The following GORASP1 variants were observed in gnomAD, a reference collection of about 807,000 sequenced individuals.
GORASP1 encodes golgi reassembly stacking protein 1.
In GORASP1, 31 loss-of-function variants were observed where a neutral mutation model predicts 37.7. The observed-to-expected ratio is 0.82, with a 90% confidence interval of 0.62 to 1.11. GORASP1 has a LOEUF of 1.11. Ranked by LOEUF, GORASP1 falls within the 50% of genes least tolerant of loss-of-function variation. The probability of loss-of-function intolerance (pLI) is 0.00; values close to 1 mark genes in which losing one functional copy is unlikely to be tolerated. For synonymous variants in GORASP1, 204 were observed against 224.8 expected, an observed-to-expected ratio of 0.91 and a Z score of 0.83; for missense variants, 476 against 560.7, an observed-to-expected ratio of 0.85 and a Z score of 1.53.
In GORASP1 at chr3:39,097,343, AC is replaced by A. The variant is rs779805874; in HGVS notation, c.*892del. 5 of 152,150 alleles carry A rather than the reference AC, an allele frequency of 3.3e-5. No individual in the cohort carries two copies. Among genetic ancestry groups the A allele is most frequent in the Non-Finnish European group, 7.3e-5 (5 of 68,056 alleles). 9.4% of individuals were successfully genotyped at this position (152,150 alleles called of 1,614,324 possible). On this transcript the variant is annotated 3_prime_UTR_variant, in exon 9 of 9. Coordinates refer to ENST00000319283, the MANE Select transcript of GORASP1 (RefSeq NM_031899.4). ...GAGTGCAGGGCCTAACCTAGCCTTA[AC>A]CTCCAAAGGCACCTGGGGTGGGGAG...
At chr3:39,107,038 C>A (rs1423484499) in intron 1 of GORASP1, 1 of 459,056 alleles carries the variant, frequency 2.2e-6, no homozygotes, top group Non-Finnish European at 4.4e-6. Context: ...GCTGCGTCCA[C>A]TCGGTTAACC....
chr3:39,104,631 A>G (rs1184234249), intron 1 of GORASP1, among the ~76,000 whole-genome samples: 3 of 152,116 alleles, frequency 2.0e-5, no homozygotes, highest in African/African-American at 7.2e-5. Flanking sequence ...GGATTCCCCA[A>G]CCTGAAGGAG....
Position 39,102,907 on chromosome 3 carries a change from A to G in GORASP1, c.145-26T>C, listed in dbSNP as rs766541701. The G allele has an allele frequency of 1.9e-6, 3 of 1,606,508 alleles. No homozygotes were observed. The highest frequency in any genetic ancestry group is 2.6e-6 in the Non-Finnish European group (3 of 1,173,058). ...CTGTGGGGGCAATGGGGCTGACTCC[A>G]AGGCCACCTCATGCCCAGGCTAGGA... On this transcript the variant is annotated intron_variant, in intron 2 of 8. Transcript: ENST00000319283. This position sits in a 1 kb window ranked among gnomAD's most constrained non-coding sequence, Gnocchi z 5.0.
At position 39,099,467 on chromosome 3, in the gene GORASP1, G is replaced by T. The variant is rs1399969779; in HGVS notation, c.802C>A (p.Pro268Thr). ...CTGGGACTCCCAGGCCCAGGAAGGGGATCCTCCATGGAGGAGCCAGGTGCC... is the reference window on the plus strand; with the variant it reads ...CTGGGACTCCCAGGCCCAGGAAGGGTATCCTCCATGGAGGAGCCAGGTGCC... ...LQAPGSSMEDPLPGPGSPSHS... is the reference protein window; with the variant it reads ...LQAPGSSMEDTLPGPGSPSHS... Residue 268 changes from proline (P) to threonine (T), a missense_variant, in exon 7 of 9, where the codon CCC (proline) becomes ACC (threonine). Transcript: ENST00000319283. 1 of 1,611,232 alleles carries T rather than the reference G, an allele frequency of 6.2e-7. No individual in the cohort carries two copies. Among genetic ancestry groups the T allele is most frequent in the Non-Finnish European group, 8.5e-7 (1 of 1,178,878 alleles).
Position 39,102,337 on chromosome 3 carries a change from A to C in GORASP1, c.348+341T>G, listed in dbSNP as rs2035776458. 8 of 430,952 alleles carry C rather than the reference A, an allele frequency of 1.9e-5. No individual in the cohort carries two copies. In the Admixed American group the frequency reaches 2.9e-4, roughly 16 times the overall value. 26.7% of individuals were successfully genotyped at this position (430,952 alleles called of 1,614,324 possible). On this transcript the variant is annotated intron_variant, in intron 3 of 8. Coordinates refer to ENST00000319283, the MANE Select transcript of GORASP1 (RefSeq NM_031899.4). The surrounding 1 kb of genome is among the most constrained non-coding windows in gnomAD (Gnocchi z 5.0). ...GTTGTCATGCAACACACACACGGAG[A>C]GACACAGAGAATAATAAAAGCAGCA...
In GORASP1 at chr3:39,102,344, G is replaced by C. The variant is rs1460699607; in HGVS notation, c.348+334C>G. ...TGCAACACACACACGGAGAGACACA[G>C]AGAATAATAAAAGCAGCAGCATTCC... On this transcript the variant is annotated intron_variant, in intron 3 of 8. Transcript: ENST00000319283. This position sits in a 1 kb window ranked among gnomAD's most constrained non-coding sequence, Gnocchi z 5.0. 2.7e-5 allele frequency: 12 copies of C among 445,798 alleles called. No individual in the cohort carries two copies. Among genetic ancestry groups the C allele is most frequent in the Non-Finnish European group, 4.6e-5 (11 of 241,246 alleles). 27.6% of individuals were successfully genotyped at this position (445,798 alleles called of 1,614,324 possible). A position where few individuals can be genotyped will look rare whatever the true frequency, so the allele number is the denominator to read the frequency against.
Position 39,097,223 on chromosome 3 carries a change from G to A in GORASP1, c.*1013C>T, listed in dbSNP as rs562573687. The A allele has an allele frequency of 1.3e-5, 2 of 152,206 alleles. No individual in the cohort carries two copies. The highest frequency in any genetic ancestry group is 2.9e-5 in the Non-Finnish European group (2 of 68,054). The allele number at this position is 152,206 out of a possible 1,614,324, so 9.4% of individuals were successfully genotyped here. A position where few individuals can be genotyped will look rare whatever the true frequency, so the allele number is the denominator to read the frequency against. On this transcript the variant is annotated 3_prime_UTR_variant, in exon 9 of 9. Coordinates refer to ENST00000319283, the MANE Select transcript of GORASP1 (RefSeq NM_031899.4). The stretch of plus-strand genomic sequence containing the variant: ...AACTAGGCACAAGCTAGAAGACGAG[G>A]CCAGAGCAGCTTTCATAGTAATTAG...
At chr3:39,099,681 G>C (rs181370388) in intron 6 of GORASP1, among the ~76,000 whole-genome samples, 178 bp from the exon 7 acceptor site, 83 of 152,306 alleles carry the variant, frequency 5.4e-4, no homozygotes, top group African/African-American at 1.9e-3. Flanking sequence ...AGTCAGGCCT[G>C]AGGGGCCTGG....
chr3:39,098,906 G>A lies in GORASP1; in HGVS notation c.917-13C>T. 1 of 1,613,332 alleles carries A rather than the reference G, an allele frequency of 6.2e-7. No individual in the cohort carries two copies. Among genetic ancestry groups the A allele is most frequent in the Middle Eastern group, 1.7e-4 (1 of 6,056 alleles). ...ACGTCCAGGAAGCCTAGGGGAGGGT[G>A]GTGCAGTTCTTTGCCAGCAAGAAAC... On this transcript the variant is annotated splice_polypyrimidine_tract_variant and intron_variant, in intron 7 of 8. Transcript: ENST00000319283. This position sits in a 1 kb window ranked among gnomAD's most constrained non-coding sequence, Gnocchi z 4.7.
At position 39,098,726 on chromosome 3, in the gene GORASP1, G is replaced by C. The variant is rs1247120741; in HGVS notation, c.1069+15C>G. The C allele has an allele frequency of 1.2e-6, 2 of 1,612,968 alleles. No homozygotes were observed. Among genetic ancestry groups the C allele is most frequent in the East Asian group, 4.5e-5 (2 of 44,884 alleles). On this transcript the variant is annotated intron_variant, in intron 8 of 8. Transcript: ENST00000319283. This position sits in a 1 kb window ranked among gnomAD's most constrained non-coding sequence, Gnocchi z 4.7. ...GGTCCTTCCCAGAGGACTTCGGAAG[G>C]TGATGGCCACTCACCACCCCGCTCA...
At position 39,100,792 on chromosome 3, in the gene GORASP1, C is replaced by A. The variant is rs770827935; in HGVS notation, c.521G>T (p.Arg174Leu). 2 of 1,614,136 alleles carry A rather than the reference C, an allele frequency of 1.2e-6. No individual in the cohort carries two copies. The highest frequency in any genetic ancestry group is 1.7e-6 in the Non-Finnish European group (2 of 1,180,016). The change falls in exon 5 of 9, where the codon CGG becomes CTG. Residue 174 changes from arginine to leucine, a missense_variant. Physicochemically the swap from Arg to Leu is moderately radical, Grantham distance 102 (BLOSUM62 -2). Transcript: ENST00000319283. This position sits in a 1 kb window ranked among gnomAD's most constrained non-coding sequence, Gnocchi z 4.6. Reference protein sequence around the residue: ...MVYNSKSDSCREVTVTPNAAW... With the variant: ...MVYNSKSDSCLEVTVTPNAAW... ...TGCGTTGGGAGTTACAGTCACCTCC[C>A]GGCAGGAGTCTGACTTGGAGTTATA... is the stretch of plus-strand genomic sequence containing the variant.
intron 1 of GORASP1, among the ~76,000 whole-genome samples, chr3:39,104,344 T>C (rs1255927361): frequency 6.6e-6 from 1 of 152,084 alleles, no homozygotes. Context: ...CTCACTGCTG[T>C]CTCCAAAAGC....
chr3:39,101,800 A>T (rs1440617102), intron 3 of GORASP1, among the ~76,000 whole-genome samples: 1 of 152,186 alleles, frequency 6.6e-6, no homozygotes, highest in East Asian at 1.9e-4. Flanking sequence ...GCTAGAAAAC[A>T]AATCAGCCAA....
Position 39,098,158 on chromosome 3 carries a change from G to T in GORASP1, c.*78C>A. 2 of 1,517,892 alleles carry T rather than the reference G, an allele frequency of 1.3e-6. No homozygotes were observed. The highest frequency in any genetic ancestry group is 1.8e-6 in the Non-Finnish European group (2 of 1,120,278). 94.0% of individuals were successfully genotyped at this position (1,517,892 alleles called of 1,614,324 possible). A position where few individuals can be genotyped will look rare whatever the true frequency, so the allele number is the denominator to read the frequency against. ...ACCAAAGCAGCAAGGAATCCTGACC[G>T]CATAGTGCAGCCCGGGCTGCCTGCC... On this transcript the variant is annotated 3_prime_UTR_variant, in exon 9 of 9. Transcript: ENST00000319283. This position sits in a 1 kb window ranked among gnomAD's most constrained non-coding sequence, Gnocchi z 4.7.
chr3:39,101,045 CAT>C lies in GORASP1; in HGVS notation c.404_405del (p.Tyr135CysfsTer22), dbSNP rs1246256381. 1.2e-6 allele frequency: 2 copies of C among 1,614,178 alleles called. No homozygotes were observed. The highest frequency in any genetic ancestry group is 2.2e-5 in the East Asian group (1 of 44,882). On this transcript the variant is annotated frameshift_variant, in exon 4 of 9. Coordinates refer to ENST00000319283, the MANE Select transcript of GORASP1 (RefSeq NM_031899.4). LOFTEE classifies it high-confidence loss of function. ...ALAGLRPYTD[Y>X]VVGSDQILQE... ...TGGAGAATCTGGTCCGAACCAACCA[CAT>C]AGTCTGTGTAGGGGCGCAGGCCGGC...
At chr3:39,107,402 C>G in intron 1 of GORASP1, 77 bp downstream of exon 1, 1 of 996,908 alleles carries the variant, frequency 1.0e-6, no homozygotes, top group Non-Finnish European at 1.3e-6. Context: ...CAGTCGCCAG[C>G]CAGCCGGCGA....
chr3:39,098,699 G>T lies in GORASP1; in HGVS notation c.1069+42C>A. 1 of 1,601,736 alleles carries T rather than the reference G, an allele frequency of 6.2e-7. No individual in the cohort carries two copies. ...TTGAGGGCAGCCTTCCCAACAACCCGGGGTCCTTCCCAGAGGACTTCGGAA... is the reference window on the plus strand; with the variant it reads ...TTGAGGGCAGCCTTCCCAACAACCCTGGGTCCTTCCCAGAGGACTTCGGAA... On this transcript the variant is annotated intron_variant, in intron 8 of 8. Coordinates refer to ENST00000319283, the MANE Select transcript of GORASP1 (RefSeq NM_031899.4). This position sits in a 1 kb window ranked among gnomAD's most constrained non-coding sequence, Gnocchi z 4.7.
At chr3:39,104,406 T>C (rs753029436) in intron 1 of GORASP1, among the ~76,000 whole-genome samples, 10 of 152,126 alleles carry the variant, frequency 6.6e-5, no homozygotes, top group Admixed American at 2.0e-4. Flanking sequence ...AAAAGCCCCA[T>C]ATACAGAGCC....
At chr3:39,106,988 C>G (rs1273694806) in intron 1 of GORASP1, 5 of 445,686 alleles carry the variant, frequency 1.1e-5, no homozygotes, top group Non-Finnish European at 1.8e-5. Flanking sequence ...CCCTTACGAC[C>G]CTACGACTGG....
Sources: gnomAD v4.1 joint callset for allele counts (sites outside exome capture counted in the v4.1 genomes callset) on GRCh38, gnomAD v4.1.1 for gene constraint, Gnocchi (gnomAD v3.1) non-coding constraint, MANE v1.5 for transcripts, NCBI Gene and HGNC (gene_info 2026-07-23, HGNC 2026-07-21) for gene names.